ANKS1B: variants seen among roughly 807,000 people sequenced by gnomAD.
ANKS1B encodes ankyrin repeat and sterile alpha motif domain-containing protein 1B.
Under a neutral mutation model 148.3 loss-of-function variants are expected in ANKS1B, and 36 were observed. The observed-to-expected ratio is 0.24, with a 90% CI of 0.19 to 0.32. The LOEUF (loss-of-function observed/expected upper bound fraction) is 0.32. ANKS1B is among the 10% of genes least tolerant of loss of function. ANKS1B has a pLI of 1.00. For synonymous variants in ANKS1B, 542 were observed against 560.8 expected (o/e 0.97, Z 0.47); for missense variants, 1,157 against 1,542.6 (o/e 0.75, Z 4.19).
chr12:99,955,204 A>G (rs2095298563), intron 1 of ANKS1B, among the ~76,000 whole-genome samples: 2 of 152,142 alleles, frequency 1.3e-5, no homozygotes, highest in Non-Finnish European at 1.5e-5. Flanking sequence ...TAACCTGACT[A>G]ATCCTAATCA....
chr12:99,383,208 C>T (rs1209174517), intron 12 of ANKS1B, among the ~76,000 whole-genome samples: 1 of 152,124 alleles, frequency 6.6e-6, no homozygotes, highest in African/African-American at 2.4e-5. Context: ...TGGTTTCCCG[C>T]CAAGACCAAC....
At chr12:99,312,014 T>TA (rs1327585638) in intron 12 of ANKS1B, among the ~76,000 whole-genome samples, 1 of 152,146 alleles carries the variant, frequency 6.6e-6, no homozygotes, top group Non-Finnish European at 1.5e-5. Flanking sequence ...TTAGAGAGTG[T>TA]ACTCGAAGCA....
intron 14 of ANKS1B, among the ~76,000 whole-genome samples, chr12:99,194,911 G>A (rs2081210355): frequency 6.6e-6 from 1 of 152,032 alleles, no homozygotes; most frequent in Non-Finnish European, 1.5e-5. Flanking sequence ...TGGGTGATAG[G>A]AACATGGATG....
chr12:98,951,790 A>G (rs570205664), intron 17 of ANKS1B, among the ~76,000 whole-genome samples: 5 of 152,320 alleles, frequency 3.3e-5, no homozygotes, highest in Admixed American at 3.3e-4. Context: ...TTCTGTGAAC[A>G]TCAATTGTAC....
At chr12:99,506,979 A>T (rs996673579) in intron 9 of ANKS1B, among the ~76,000 whole-genome samples, 1 of 151,956 alleles carries the variant, frequency 6.6e-6, no homozygotes, top group Non-Finnish European at 1.5e-5. Flanking sequence ...CTCTGTCCCT[A>T]GAATCTAATA....
chr12:99,044,882 G>A (rs1440651714), intron 17 of ANKS1B, among the ~76,000 whole-genome samples: 1 of 152,068 alleles, frequency 6.6e-6, no homozygotes, highest in Non-Finnish European at 1.5e-5. Flanking sequence ...TCCCAGAGGG[G>A]GTAAGTGACT....
intron 4 of ANKS1B, among the ~76,000 whole-genome samples, chr12:99,797,482 C>T (rs2066392458): frequency 6.6e-6 from 1 of 151,848 alleles, no homozygotes; most frequent in Non-Finnish European, 1.5e-5. Flanking sequence ...AGGCTCCCAT[C>T]CCTGGAGATT....
Position 98,745,544 on chromosome 12 carries a change from G to A in ANKS1B, c.*195C>T. On this transcript the variant is annotated 3_prime_UTR_variant, in exon 27 of 27. Transcript: ENST00000683438. The stretch of plus-strand genomic sequence containing the variant: ...CTCACGCCTCTCAGGGGTTGCGACT[G>A]GAAAGTCTTGCGTTTTCCATCACTG... 2 of 1,358,354 alleles carry A rather than the reference G, an allele frequency of 1.5e-6. No individual in the cohort carries two copies. Among genetic ancestry groups the A allele is most frequent in the Non-Finnish European group, 1.9e-6 (2 of 1,054,404 alleles). The allele number at this position is 1,358,354 out of a possible 1,614,324, so 84.1% of individuals were successfully genotyped here.
chr12:99,284,732 A>G (rs530042589), intron 12 of ANKS1B, among the ~76,000 whole-genome samples: 1 of 152,240 alleles, frequency 6.6e-6, no homozygotes, highest in South Asian at 2.1e-4. Flanking sequence ...TTCTCTACTT[A>G]CAATCTTTCA....
intron 25 of ANKS1B, among the ~76,000 whole-genome samples, chr12:98,761,861 C>T (rs1370987590): frequency 6.6e-6 from 1 of 152,210 alleles, no homozygotes; most frequent in Non-Finnish European, 1.5e-5. Context: ...GCCCTCCTGA[C>T]CCAGGCTGGG....
At chr12:98,929,106 C>T (rs78264072) in intron 17 of ANKS1B, among the ~76,000 whole-genome samples, 1,906 of 151,856 alleles carry the variant, frequency 0.013, 40 homozygotes, top group African/African-American at 0.043. Flanking sequence ...AAGATCAATA[C>T]ACAAGCATTA....
intron 1 of ANKS1B, among the ~76,000 whole-genome samples, chr12:99,969,702 A>G (rs2095535082): frequency 1.3e-5 from 2 of 152,218 alleles, no homozygotes; most frequent in African/African-American, 4.8e-5. Context: ...TAGAAAATGT[A>G]CTTTCCATTT....
At chr12:99,091,803 C>T (rs1488645276) in intron 15 of ANKS1B, among the ~76,000 whole-genome samples, 5 of 140,892 alleles carry the variant, frequency 3.5e-5, no homozygotes, top group Admixed American at 2.2e-4. Context: ...CACAATAACT[C>T]CTATGAGGTA....
At chr12:99,345,445 T>G (rs2090535465) in intron 12 of ANKS1B, among the ~76,000 whole-genome samples, 1 of 151,982 alleles carries the variant, frequency 6.6e-6, no homozygotes, top group African/African-American at 2.4e-5. Context: ...TAGTATAGTT[T>G]ATGAGGTAGT....
At chr12:98,831,589 T>A (rs2153694626) in intron 18 of ANKS1B, 1 of 156,534 alleles carries the variant, frequency 6.4e-6, no homozygotes, top group East Asian at 1.9e-4. Flanking sequence ...AAAATATATA[T>A]TTAACCAATC....
chr12:99,901,478 A>C (rs997014388), intron 1 of ANKS1B, among the ~76,000 whole-genome samples: 1 of 152,202 alleles, frequency 6.6e-6, no homozygotes, highest in South Asian at 2.1e-4. Context: ...CTCTGTAGCA[A>C]AGGCATGTGT....
At chr12:99,196,325 T>C (rs2081374426) in intron 14 of ANKS1B, among the ~76,000 whole-genome samples, 1 of 152,198 alleles carries the variant, frequency 6.6e-6, no homozygotes, top group Non-Finnish European at 1.5e-5. Flanking sequence ...AAATGGATAC[T>C]TGCTCTTATT....
intron 16 of ANKS1B, among the ~76,000 whole-genome samples, chr12:99,074,851 A>C (rs1490004316): frequency 6.6e-6 from 1 of 152,208 alleles, no homozygotes; most frequent in South Asian, 2.1e-4. Context: ...GGGCATTACT[A>C]TGTTCATGAT....
In ANKS1B at chr12:99,423,908, T is replaced by C. The variant is rs114185194; in HGVS notation, c.1575+19765A>G. ...TGGGTACTAGGCTTAACCTGGGTGA[T>C]GAAATAATCTGTATAACCCCCCCAC... On this transcript the variant is annotated intron_variant, in intron 11 of 26. Transcript: ENST00000683438. Among the ~76,000 whole-genome samples, 320 of 152,132 alleles carry C rather than the reference T, an allele frequency of 2.1e-3. 2 individuals are homozygous for C. Among genetic ancestry groups the C allele is most frequent in the African/African-American group, 7.3e-3 (304 of 41,508 alleles).
Sources: allele counts gnomAD v4.1 joint callset (sites outside exome capture counted in the v4.1 genomes callset), GRCh38; gene constraint gnomAD v4.1.1; transcripts MANE v1.5; gene names NCBI Gene and HGNC (gene_info 2026-07-23, HGNC 2026-07-21).